Variants in PLIN4 observed in about 807,000 individuals in gnomAD.
PLIN4 encodes perilipin-4.
A neutral mutation model predicts 52.4 loss-of-function variants in PLIN4; 57 were observed. The observed-to-expected ratio is 1.09, with a 90% confidence interval of 0.88 to 1.36. The LOEUF is 1.36. Ranked by LOEUF, PLIN4 falls within the 40% of genes most tolerant of loss-of-function variation. The probability of loss-of-function intolerance (pLI) is 0.00; values close to 1 mark genes in which losing one functional copy is unlikely to be tolerated. For synonymous variants in PLIN4, 826 were observed against 785.4 expected, an observed-to-expected ratio of 1.05 and a Z score of -0.86; for missense variants, 1,757 against 1,770.3, an observed-to-expected ratio of 0.99 and a Z score of 0.13.
At chr19:4,514,942 G>A (rs1976546843) in intron 4 of PLIN4, among the ~76,000 whole-genome samples, 1 of 151,560 alleles carries the variant, frequency 6.6e-6, no homozygotes, top group African/African-American at 2.4e-5. Context: ...TTGGGAGGCC[G>A]AGGCAGGTGG....
In PLIN4 at chr19:4,508,929, G is replaced by C. The variant is rs913050735; in HGVS notation, c.3541C>G (p.Pro1181Ala). ...CCCTGTTCCGCCGACAGCACCTTTG[G>C]CCCAGGCTGGGAGGCAGCCAGCTGA... Reference protein sequence around the residue: ...QAQLAASQPGPKVLSAEQGSY... With the variant: ...QAQLAASQPGAKVLSAEQGSY... The change falls in exon 6 of 8, where the codon CCA becomes GCA. Residue 1181 changes from proline (P) to alanine (A), a missense_variant. Coordinates refer to ENST00000301286, the MANE Select transcript of PLIN4 (RefSeq NM_001367868.2). The C allele has an allele frequency of 6.2e-7, 1 of 1,612,362 alleles. No individual in the cohort carries two copies. Among genetic ancestry groups the C allele is most frequent in the Non-Finnish European group, 8.5e-7 (1 of 1,179,614 alleles).
chr19:4,516,390 C>T (rs1976582124), intron 4 of PLIN4, among the ~76,000 whole-genome samples: 1 of 151,998 alleles, frequency 6.6e-6, no homozygotes, highest in Non-Finnish European at 1.5e-5. Flanking sequence ...AGTGGGGTAG[C>T]ACTGCACCCA....
chr19:4,517,593 C>T lies in PLIN4; in HGVS notation c.157G>A (p.Gly53Arg). The change falls in exon 3 of 8, where the codon GGA (glycine) becomes AGA (arginine). Residue 53 changes from glycine to arginine, a missense_variant. By Grantham distance (125) the Gly-to-Arg change is moderately radical. Coordinates refer to ENST00000301286, the MANE Select transcript of PLIN4 (RefSeq NM_001367868.2). ...TGGGCAGCCTCGGCAGCAGGCGCTCCTGTGGGGTCAGCGGCCGGCCGGGCT... is the reference window on the plus strand; with the variant it reads ...TGGGCAGCCTCGGCAGCAGGCGCTCTTGTGGGGTCAGCGGCCGGCCGGGCT... ...ARARPAADPTGAPAAEAAQPQ... is the reference protein window; with the variant it reads ...ARARPAADPTRAPAAEAAQPQ... The T allele has an allele frequency of 6.2e-7, 1 of 1,611,236 alleles. No individual in the cohort carries two copies. The highest frequency in any genetic ancestry group is 8.5e-7 in the Non-Finnish European group (1 of 1,179,398).
At chr19:4,514,182 T>C (rs2145297035) in intron 4 of PLIN4, among the ~76,000 whole-genome samples, 1 of 152,296 alleles carries the variant, frequency 6.6e-6, no homozygotes, top group African/African-American at 2.4e-5. Flanking sequence ...CTGGGTGTGA[T>C]GGCTGATGCC....
rs1281370942 is a variant in PLIN4 at position 4,504,956 on chromosome 19, A to G, written c.3703-9T>C. Reference sequence around the variant, plus strand: ...TGCTGGGCCTTTTCAATCTGGAGAGAGAGTACAGTGGGGAAATGATGGCTT... The same window carrying G: ...TGCTGGGCCTTTTCAATCTGGAGAGGGAGTACAGTGGGGAAATGATGGCTT... On this transcript the variant is annotated splice_polypyrimidine_tract_variant and intron_variant, in intron 6 of 7. Coordinates refer to ENST00000301286, the MANE Select transcript of PLIN4 (RefSeq NM_001367868.2). 3.1e-6 allele frequency: 5 copies of G among 1,596,312 alleles called. No homozygotes were observed. The African/African-American group carries it at 6.7e-5, about 21-fold the overall frequency.
intron 3 of PLIN4, among the ~76,000 whole-genome samples, chr19:4,517,121 T>C (rs574515823): frequency 2.2e-4 from 33 of 152,222 alleles, no homozygotes; most frequent in African/African-American, 7.7e-4. Flanking sequence ...CAACCCTGGG[T>C]TCCCTGTCAC....
At chr19:4,513,742 G>C in intron 4 of PLIN4, 41 bp from the exon 5 acceptor site, 1 of 1,535,060 alleles carries the variant, frequency 6.5e-7, no homozygotes, top group Non-Finnish European at 8.8e-7. Flanking sequence ...GAAGGACTGA[G>C]AGGTGTACTC....
chr19:4,516,367 C>T (rs926932738), intron 4 of PLIN4, among the ~76,000 whole-genome samples: 5 of 151,506 alleles, frequency 3.3e-5, no homozygotes, highest in African/African-American at 1.2e-4. Flanking sequence ...AGACTGGAAC[C>T]TTACGTGATT....
chr19:4,509,138 T>G (rs886260470), intron 5 of PLIN4, among the ~76,000 whole-genome samples, 183 bp from the exon 6 acceptor site: 4 of 150,380 alleles, frequency 2.7e-5, no homozygotes, highest in African/African-American at 9.8e-5. Flanking sequence ...TGAAACCCCG[T>G]CTCTACTAAA....
chr19:4,510,727 T>C lies in PLIN4; in HGVS notation c.3233A>G (p.Glu1078Gly), dbSNP rs1976274607. 2.6e-6 allele frequency: 4 copies of C among 1,543,880 alleles called. No homozygotes were observed. Among genetic ancestry groups the C allele is most frequent in the Non-Finnish European group, 3.5e-6 (4 of 1,146,106 alleles). ...CTCTTGGGGGCTCAGGGCAGTCTGC[T>C]CCCCACCATTGTCTGTGGTCCTGGA... Reference protein sequence around the residue: ...TSSRTTDNGGEQTALSPQEAP... With the variant: ...TSSRTTDNGGGQTALSPQEAP... The change falls in exon 5 of 8, where the codon GAG (glutamate) becomes GGG (glycine). Residue 1078 changes from glutamate to glycine, a missense_variant. Glu to Gly is a moderately conservative substitution (Grantham distance 98). Around this residue, in one of 7 missense-constraint regions of PLIN4, gnomAD observed 712 missense variants for 637.1 expected, o/e 1.12. Coordinates refer to ENST00000301286, the MANE Select transcript of PLIN4 (RefSeq NM_001367868.2).
At chr19:4,510,332 C>T (rs921219328) in intron 5 of PLIN4, 114 bp downstream of exon 5, 99 of 1,189,424 alleles carry the variant, frequency 8.3e-5, no homozygotes, top group Non-Finnish European at 9.6e-5. Context: ...CGCCACTGCA[C>T]TCCAGCCTGG....
At chr19:4,505,235 C>T (rs1384743271) in intron 6 of PLIN4, among the ~76,000 whole-genome samples, 1 of 152,192 alleles carries the variant, frequency 6.6e-6, no homozygotes, top group Non-Finnish European at 1.5e-5. Context: ...TAAAACCCAG[C>T]TCCTCACCAT....
rs760376057 is a variant in PLIN4 at position 4,517,662 on chromosome 19, T to A, written c.88A>T (p.Ser30Cys). 6.2e-7 allele frequency: 1 copy of A among 1,603,422 alleles called. No individual in the cohort carries two copies. The highest frequency in any genetic ancestry group is 8.5e-7 in the Non-Finnish European group (1 of 1,175,698). Residue 30 changes from serine (S) to cysteine (C), a missense_variant, in exon 3 of 8, where the codon AGC (serine) becomes TGC (cysteine). Coordinates refer to ENST00000301286, the MANE Select transcript of PLIN4 (RefSeq NM_001367868.2). ...TTGGCCACCAGGTTCCGGGCAGAGC[T>A]GAAGCCAGGCAGGGACCCAAAGAAG... ...GSFFGSLPGF[S>C]SARNLVANAH...
rs531567103 is a variant in PLIN4, at chr19:4,505,807, G to C, written c.3703-860C>G. On this transcript the variant is annotated intron_variant, in intron 6 of 7. Transcript: ENST00000301286. Reference sequence around the variant, plus strand: ...GCTGCATATGCAGACGCGTCCCCTCGGTGCCCACCAGGCATCTCCCCTCAC... The same window carrying C: ...GCTGCATATGCAGACGCGTCCCCTCCGTGCCCACCAGGCATCTCCCCTCAC... 1.2e-4 allele frequency among the ~76,000 whole-genome samples: 18 copies of C among 152,014 alleles called. No individual in the cohort carries two copies. The South Asian group carries it at 3.5e-3, about 30-fold the overall frequency.
rs963720425 is a variant in PLIN4, at chr19:4,504,866, G to A, written c.3784C>T (p.Gln1262Ter). Residue 1262 changes from glutamine to a stop codon, truncating the protein, a stop_gained, in exon 7 of 8, where the codon CAG becomes TAG. Coordinates refer to ENST00000301286, the MANE Select transcript of PLIN4 (RefSeq NM_001367868.2). LOFTEE classifies it low-confidence loss of function (END_TRUNC). ...TAGCCCTGTGCCAGACCCACCTCCT[G>A]GACAGCAGCGTCCTCCGCACTGGCA... Reference protein sequence around the residue: ...SGASAEDAAVQEERDAGVLSR... With the variant: ...SGASAEDAAV 2 of 1,605,718 alleles carry A rather than the reference G, an allele frequency of 1.2e-6. No homozygotes were observed. Among genetic ancestry groups the A allele is most frequent in the African/African-American group, 2.7e-5 (2 of 74,818 alleles).
At position 4,512,785 on chromosome 19, in the gene PLIN4, G is replaced by A; in HGVS notation, c.1175C>T (p.Thr392Ile). 2 of 1,564,166 alleles carry A rather than the reference G, an allele frequency of 1.3e-6. No individual in the cohort carries two copies. The highest frequency in any genetic ancestry group is 1.7e-6 in the Non-Finnish European group (2 of 1,161,346). ...KEAIQGGLDTTKSMVMGTKDT... is the reference protein window; with the variant it reads ...KEAIQGGLDTIKSMVMGTKDT... Reference sequence around the variant, plus strand: ...TTTCGTACCCATGACCATAGACTTGGTGGTATCCAGGCCCCCCTGGATGGC... The same window carrying A: ...TTTCGTACCCATGACCATAGACTTGATGGTATCCAGGCCCCCCTGGATGGC... Residue 392 changes from threonine to isoleucine, a missense_variant, in exon 5 of 8, where the codon ACC becomes ATC. Thr to Ile is a moderately conservative substitution (Grantham distance 89). Transcript: ENST00000301286.
rs773765267 is a variant in PLIN4 at position 4,512,500 on chromosome 19, C to T, written c.1460G>A (p.Gly487Asp). The change falls in exon 5 of 8, where the codon GGC (glycine) becomes GAC (aspartate). Residue 487 changes from glycine (G) to aspartate (D), a missense_variant. By Grantham distance (94) the Gly-to-Asp change is moderately conservative. Transcript: ENST00000301286. ...CAGGACAGACTTTGTAGTGTCCAGG[C>T]CGCCCTGGACGGCCCCTTTGGCCAC... ...ANVAKGAVQGGLDTTKSVLTG... is the reference protein window; with the variant it reads ...ANVAKGAVQGDLDTTKSVLTG... 30 of 1,606,524 alleles carry T rather than the reference C, an allele frequency of 1.9e-5. No homozygotes were observed. Among genetic ancestry groups the T allele is most frequent in the Non-Finnish European group, 2.6e-5 (30 of 1,175,934 alleles).
rs567007906 is a variant in PLIN4, at chr19:4,508,863, G to A, written c.3607C>T (p.Arg1203Cys). The change falls in exon 6 of 8, where the codon CGC becomes TGC. Residue 1203 changes from arginine to cysteine, a missense_variant. Arg to Cys is a radical substitution (Grantham distance 180). This residue lies in a region of PLIN4 where 712 missense variants were observed against 637.1 expected (regional missense o/e 1.12). Transcript: ENST00000301286. Reference protein sequence around the residue: ...VRLGDLGPSFRQRAFEHAVSH... With the variant: ...VRLGDLGPSFCQRAFEHAVSH... Reference sequence around the variant, plus strand: ...ACCGCGTGTTCAAATGCCCGCTGGCGGAAGCTGGGACCCAGGTCACCTAAA... The same window carrying A: ...ACCGCGTGTTCAAATGCCCGCTGGCAGAAGCTGGGACCCAGGTCACCTAAA... 6.6e-5 allele frequency: 107 copies of A among 1,612,546 alleles called. 1 individual carries two copies. Among genetic ancestry groups the A allele is most frequent in the South Asian group, 5.2e-4 (47 of 90,884 alleles).
At chr19:4,505,164 GTGTC>G (rs760125976) in intron 6 of PLIN4, among the ~76,000 whole-genome samples, 9 of 152,278 alleles carry the variant, frequency 5.9e-5, no homozygotes, top group Non-Finnish European at 1.3e-4. Flanking sequence ...ACGTAACACA[GTGTC>G]TGTGGGGTCG....
Sources: gnomAD v4.1 joint callset for allele counts (sites outside exome capture counted in the v4.1 genomes callset) on GRCh38, gnomAD v4.1.1 for gene constraint, gnomAD v4.1.1 regional missense constraint, MANE v1.5 for transcripts, NCBI Gene and HGNC (gene_info 2026-07-23, HGNC 2026-07-21) for gene names.